The following DDX1 variants were observed in gnomAD, a reference collection of about 807,000 sequenced individuals.
DDX1 encodes ATP-dependent RNA helicase DDX1.
A neutral mutation model predicts 108.7 loss-of-function variants in DDX1; 28 were observed. The observed-to-expected ratio is 0.26, with a 90% confidence interval of 0.19 to 0.35. DDX1 has a LOEUF of 0.35. Ranked by LOEUF, DDX1 falls within the 10% of genes least tolerant of loss-of-function variation. DDX1 has a pLI of 1.00. For synonymous variants in DDX1, 295 were observed against 288.9 expected (o/e 1.02, Z -0.21); for missense variants, 710 against 884.5 (o/e 0.80, Z 2.50).
At chr2:15,592,839 A>C (rs1665437268) in intron 1 of DDX1, among the ~76,000 whole-genome samples, 1 of 143,658 alleles carries the variant, frequency 7.0e-6, no homozygotes, top group South Asian at 2.1e-4. Context: ...GTAGTATTTT[A>C]TATTTTTTAG....
Position 15,618,396 on chromosome 2 carries a change from T to C in DDX1, c.1206+126T>C, listed in dbSNP as rs1573047951. On this transcript the variant is annotated intron_variant, in intron 16 of 25. Coordinates refer to ENST00000233084, the MANE Select transcript of DDX1 (RefSeq NM_004939.3). ...GCGGCTAGTGATGCCCTTGCCCGGG[T>C]TTTGCTCAGTTCCACCCACTTGGCC... 5 of 596,462 alleles carry C rather than the reference T, an allele frequency of 8.4e-6. No individual in the cohort carries two copies. The Admixed American group carries it at 1.2e-4, about 14-fold the overall frequency. The allele number at this position is 596,462 out of a possible 1,614,324, so 36.9% of individuals were successfully genotyped here.
At chr2:15,592,398 C>T (rs1249640139) in intron 1 of DDX1, among the ~76,000 whole-genome samples, 1 of 152,162 alleles carries the variant, frequency 6.6e-6, no homozygotes. Context: ...GGAAAAATGA[C>T]GATCCTGCCT....
chr2:15,619,919 G>A (rs1573048698), intron 16 of DDX1, among the ~76,000 whole-genome samples: 1 of 152,148 alleles, frequency 6.6e-6, no homozygotes, highest in Non-Finnish European at 1.5e-5. Flanking sequence ...GAGAGAAGGG[G>A]ACAGACAGTA....
chr2:15,618,119 T>A, intron 15 of DDX1, 62 bp from the exon 16 acceptor site: 1 of 1,024,280 alleles, frequency 9.8e-7, no homozygotes, highest in South Asian at 1.7e-5. Flanking sequence ...TGATACTGAT[T>A]AAAACTTACG....
intron 14 of DDX1, among the ~76,000 whole-genome samples, chr2:15,614,984 A>G (rs947817415): frequency 1.3e-5 from 2 of 152,216 alleles, no homozygotes; most frequent in Non-Finnish European, 2.9e-5. Flanking sequence ...ATTTGGTACT[A>G]ACTTGAAGCA....
intron 16 of DDX1, among the ~76,000 whole-genome samples, chr2:15,619,378 G>C (rs1665953264): frequency 6.6e-6 from 1 of 152,202 alleles, no homozygotes; most frequent in Admixed American, 6.5e-5. Context: ...AGCGGGTCCT[G>C]CCCAGCTTCG....
chr2:15,600,966 C>A (rs906420731), intron 6 of DDX1, among the ~76,000 whole-genome samples: 2 of 151,698 alleles, frequency 1.3e-5, no homozygotes, highest in African/African-American at 4.8e-5. Flanking sequence ...TGGCTCTGTA[C>A]CATAGGTGAT....
chr2:15,622,694 T>C (rs1026382938), intron 18 of DDX1, among the ~76,000 whole-genome samples: 1 of 152,226 alleles, frequency 6.6e-6, no homozygotes. Context: ...GCAGAGACAC[T>C]GTTTGAAAAT....
chr2:15,598,443 G>A (rs1665535911), intron 5 of DDX1, among the ~76,000 whole-genome samples: 1 of 152,150 alleles, frequency 6.6e-6, no homozygotes, highest in Non-Finnish European at 1.5e-5. Flanking sequence ...GGTTCTGAAA[G>A]TCACATCCTA....
At chr2:15,613,422 C>A in intron 14 of DDX1, 138 bp downstream of exon 14, 1 of 512,124 alleles carries the variant, frequency 2.0e-6, no homozygotes. Flanking sequence ...TCAAAGACAT[C>A]TTGCAAGTGC....
chr2:15,628,964 T>A, intron 23 of DDX1, 125 bp downstream of exon 23: 1 of 850,450 alleles, frequency 1.2e-6, no homozygotes. Context: ...AATGAACTTT[T>A]TAATGTCATC....
chr2:15,595,647 AT>A (rs1665485494), intron 3 of DDX1, 94 bp downstream of exon 3: 10 of 890,510 alleles, frequency 1.1e-5, no homozygotes, highest in African/African-American at 1.6e-5. Context: ...ATTCACAAAC[AT>A]TTATGATACA....
Position 15,624,042 on chromosome 2 carries a change from G to C in DDX1, c.1594+460G>C, listed in dbSNP as rs1017903713. Among the ~76,000 whole-genome samples, 22 of 152,256 alleles carry C rather than the reference G, an allele frequency of 1.4e-4. 1 individual carries two copies. Among genetic ancestry groups the C allele is most frequent in the African/African-American group, 5.1e-4 (21 of 41,548 alleles). ...ATGTTGGAAAAATCTGAATGTATGA[G>C]TAAACACTGTAAGTATCAGTGGACA... On this transcript the variant is annotated intron_variant, in intron 19 of 25. Coordinates refer to ENST00000233084, the MANE Select transcript of DDX1 (RefSeq NM_004939.3).
At chr2:15,620,792 A>G (rs1441704471) in intron 17 of DDX1, among the ~76,000 whole-genome samples, 1 of 152,128 alleles carries the variant, frequency 6.6e-6, no homozygotes, top group Admixed American at 6.5e-5. Context: ...ATTTGCCTTT[A>G]TATAGTAAGG....
At position 15,623,451 on chromosome 2, in the gene DDX1, C is replaced by T; in HGVS notation, c.1463C>T (p.Ala488Val). 6.2e-7 allele frequency: 1 copy of T among 1,613,366 alleles called. No individual in the cohort carries two copies. Reference sequence around the variant, plus strand: ...GATATTCAAGAGATGTGGTCTGAAGCTATTAAAATCCTGAAAGGGGAGTAT... The same window carrying T: ...GATATTCAAGAGATGTGGTCTGAAGTTATTAAAATCCTGAAAGGGGAGTAT... ...GANSPEMWSE[A>V]IKILKGEYAV... Residue 488 changes from alanine to valine, a missense_variant, in exon 19 of 26, where the codon GCT (alanine) becomes GTT (valine). Ala to Val is a moderately conservative substitution (Grantham distance 64). Around this residue, in one of 3 missense-constraint regions of DDX1, gnomAD observed 661 missense variants for 810.2 expected, o/e 0.82. Transcript: ENST00000233084.
At position 15,627,122 on chromosome 2, in the gene DDX1, A is replaced by C; in HGVS notation, c.1663A>C (p.Lys555Gln). ...LHGDRKPHER[K>Q]QNLERFKKGD... ...TGGTGACAGAAAGCCTCATGAGAGA[A>C]AGCAAAACTTGGAAAGATTTAAGGT... The change falls in exon 20 of 26, where the codon AAG becomes CAG. Residue 555 changes from lysine to glutamine, a missense_variant. By Grantham distance (53) the Lys-to-Gln change is moderately conservative. Around this residue, in one of 3 missense-constraint regions of DDX1, gnomAD observed 661 missense variants for 810.2 expected, o/e 0.82. Transcript: ENST00000233084. 6.2e-7 allele frequency: 1 copy of C among 1,609,800 alleles called. No homozygotes were observed. Among genetic ancestry groups the C allele is most frequent in the African/African-American group, 1.3e-5 (1 of 74,920 alleles).
In DDX1 at chr2:15,603,273, T is replaced by C. The variant is rs1486988796; in HGVS notation, c.473T>C (p.Leu158Pro). 1.2e-6 allele frequency: 2 copies of C among 1,603,050 alleles called. No homozygotes were observed. Among genetic ancestry groups the C allele is most frequent in the Non-Finnish European group, 1.7e-6 (2 of 1,171,674 alleles). The change falls in exon 8 of 26, where the codon CTA becomes CCA. Residue 158 changes from leucine to proline, a missense_variant and splice_region_variant. Physicochemically the swap from Leu to Pro is moderately conservative, Grantham distance 98 (BLOSUM62 -3). Around this residue, in one of 3 missense-constraint regions of DDX1, gnomAD observed 661 missense variants for 810.2 expected, o/e 0.82. Transcript: ENST00000233084. Reference protein sequence around the residue: ...GWSTMQASLDLGTDKFGFGFG... With the variant: ...GWSTMQASLDPGTDKFGFGFG... ...TCTACCATGCAGGCCTCTTTGGACCTAGGTAAGTGTTTCTAAAATAACTGA... is the reference window on the plus strand; with the variant it reads ...TCTACCATGCAGGCCTCTTTGGACCCAGGTAAGTGTTTCTAAAATAACTGA...
At chr2:15,613,327 G>A in intron 14 of DDX1, 43 bp downstream of exon 14, 4 of 1,402,960 alleles carry the variant, frequency 2.9e-6, no homozygotes, top group Non-Finnish European at 3.0e-6. Flanking sequence ...GTCATGGGCT[G>A]TCGTTTTAGC....
chr2:15,610,468 G>T (rs1013541060), intron 13 of DDX1, among the ~76,000 whole-genome samples: 1 of 152,168 alleles, frequency 6.6e-6, no homozygotes, highest in Admixed American at 6.5e-5. Flanking sequence ...TTTAACTTCA[G>T]TCTTTTGCAT....
Sources: allele counts gnomAD v4.1 joint callset (sites outside exome capture counted in the v4.1 genomes callset), GRCh38; gene constraint gnomAD v4.1.1; regional missense constraint gnomAD v4.1.1; transcripts MANE v1.5; gene names NCBI Gene and HGNC (gene_info 2026-07-23, HGNC 2026-07-21).